The following EML6 variants were observed in gnomAD, a reference collection of about 807,000 sequenced individuals.
EML6 encodes the protein EMAP like 6.
A neutral mutation model predicts 240.1 loss-of-function variants in EML6; 154 were observed. The ratio of observed to expected loss-of-function variants is 0.64; its 90% confidence interval spans 0.56 to 0.73. The LOEUF (loss-of-function observed/expected upper bound fraction) is 0.73, where lower values mean the gene tolerates loss of function less well. Ranked by LOEUF, EML6 falls within the 30% of genes least tolerant of loss-of-function variation. The pLI, the probability that EML6 is intolerant of heterozygous loss-of-function variation, is 0.00. For synonymous variants in EML6, 1,148 were observed against 899.0 expected (o/e 1.28, Z -4.95); for missense variants, 2,964 against 2,474.6 (o/e 1.20, Z -4.20).
chr2:54,820,388 G>C lies in EML6; in HGVS notation c.457-6G>C. On this transcript the variant is annotated splice_polypyrimidine_tract_variant and splice_region_variant and intron_variant, in intron 4 of 41. Coordinates refer to ENST00000356458, the MANE Select transcript of EML6 (RefSeq NM_001039753.4). The stretch of plus-strand genomic sequence containing the variant: ...TCAACATGGCAACTTTTAATGTTTT[G>C]AACAGATTTTTGATATTTCCTGGGA... 6.5e-7 allele frequency: 1 copy of C among 1,545,464 alleles called. No homozygotes were observed. The highest frequency in any genetic ancestry group is 1.4e-5 in the African/African-American group (1 of 72,928).
rs773701097 is a variant in EML6, at chr2:54,968,697, G to A, written c.5781G>A (p.Ser1927=). 5.0e-5 allele frequency: 78 copies of A among 1,551,168 alleles called. No homozygotes were observed. Among genetic ancestry groups the A allele is most frequent in the Non-Finnish European group, 6.4e-5 (73 of 1,146,650 alleles). Reference sequence around the variant, plus strand: ...AACATAAGCGATACTTCGGTCACTCGGCTCACGTGACGAACATCCGTTTCT... The same window carrying A: ...AACATAAGCGATACTTCGGTCACTCAGCTCACGTGACGAACATCCGTTTCT... ...FAKHKRYFGH[S]AHVTNIRFSY... Residue 1927 remains serine (S), a synonymous_variant, in exon 41 of 42, where the codon TCG becomes TCA. Coordinates refer to ENST00000356458, the MANE Select transcript of EML6 (RefSeq NM_001039753.4).
chr2:54,825,346 A>C (rs1668535473), intron 5 of EML6, among the ~76,000 whole-genome samples: 1 of 152,146 alleles, frequency 6.6e-6, no homozygotes, highest in Non-Finnish European at 1.5e-5. Context: ...ATGTTTTCCA[A>C]AGCTTATACC....
Position 54,964,529 on chromosome 2 carries a change from C to G in EML6, c.5331-42C>G, listed in dbSNP as rs1046768962. 4 of 1,543,544 alleles carry G rather than the reference C, an allele frequency of 2.6e-6. No individual in the cohort carries two copies. In the Admixed American group the frequency reaches 7.9e-5, roughly 30 times the overall value. ...GCCTTCGTGCCTGACCAGCCCCAAA[C>G]AGCCCTCCTCATGGACTCTGCTCTC... On this transcript the variant is annotated intron_variant, in intron 37 of 41. Coordinates refer to ENST00000356458, the MANE Select transcript of EML6 (RefSeq NM_001039753.4).
chr2:54,899,810 C>G, intron 22 of EML6, 28 bp downstream of exon 22: 1 of 1,535,140 alleles, frequency 6.5e-7, no homozygotes, highest in Non-Finnish European at 8.8e-7. Flanking sequence ...ACACATCTGT[C>G]AGAGTATTTA....
At position 54,943,545 on chromosome 2, in the gene EML6, A is replaced by G. The variant is rs147693484; in HGVS notation, c.4005-5337A>G. 3.9e-3 allele frequency among the ~76,000 whole-genome samples: 594 copies of G among 152,192 alleles called. 4 individuals are homozygous for G. The highest frequency in any genetic ancestry group is 5.7e-3 in the Non-Finnish European group (386 of 68,014). On this transcript the variant is annotated intron_variant, in intron 28 of 41. Coordinates refer to ENST00000356458, the MANE Select transcript of EML6 (RefSeq NM_001039753.4). ...ATTCAGGCCTTGTAGTCTTTTCTTCATTCTCTATCCTATCTCATCTGTCCT... is the reference window on the plus strand; with the variant it reads ...ATTCAGGCCTTGTAGTCTTTTCTTCGTTCTCTATCCTATCTCATCTGTCCT...
At chr2:54,882,527 A>G (rs753052982) in intron 17 of EML6, 14 of 152,134 alleles carry the variant, frequency 9.2e-5, no homozygotes, top group Non-Finnish European at 1.6e-4. Context: ...CAACAAGAAC[A>G]CTTCCCAGGC....
At chr2:54,870,235 T>C (rs986905090) in intron 15 of EML6, among the ~76,000 whole-genome samples, 2 of 152,150 alleles carry the variant, frequency 1.3e-5, no homozygotes, top group African/African-American at 4.8e-5. Context: ...CTGGGGTTCA[T>C]GAAATCTATG....
chr2:54,812,408 A>C (rs1000559756), intron 2 of EML6, among the ~76,000 whole-genome samples: 2 of 152,136 alleles, frequency 1.3e-5, no homozygotes, highest in Non-Finnish European at 2.9e-5. Context: ...TTGATTGTAT[A>C]AGCAGAAGTT....
chr2:54,898,483 AAACCGGGGATGTAGGG>A (rs1235992478), intron 21 of EML6, among the ~76,000 whole-genome samples: 1 of 152,160 alleles, frequency 6.6e-6, no homozygotes, highest in Non-Finnish European at 1.5e-5. Flanking sequence ...GAAGGCTAGA[AAACCGGGGATGTAGGG>A]TGTCCTCAAA....
At chr2:54,863,947 A>G (rs897015551) in intron 13 of EML6, 58 bp downstream of exon 13, 1 of 910,702 alleles carries the variant, frequency 1.1e-6, no homozygotes, top group African/African-American at 1.7e-5. Flanking sequence ...TCATTCCTGG[A>G]TTTGGACATA....
intron 31 of EML6, among the ~76,000 whole-genome samples, chr2:54,953,533 G>T (rs963480463): frequency 6.6e-6 from 1 of 152,056 alleles, no homozygotes; most frequent in Non-Finnish European, 1.5e-5. Flanking sequence ...TTCTCCTCTG[G>T]CCAGGTCAGG....
intron 35 of EML6, among the ~76,000 whole-genome samples, chr2:54,961,620 G>A (rs890785080): frequency 3.3e-5 from 5 of 152,130 alleles, no homozygotes; most frequent in Non-Finnish European, 5.9e-5. Flanking sequence ...AGGAGTCTGT[G>A]CTGAAGCTCT....
intron 28 of EML6, among the ~76,000 whole-genome samples, chr2:54,938,626 C>T (rs1015461556): frequency 2.0e-5 from 3 of 152,210 alleles, no homozygotes; most frequent in Admixed American, 6.5e-5. Flanking sequence ...TTCTAACATA[C>T]TTTGACACGT....
chr2:54,844,093 A>AG lies in EML6; in HGVS notation c.897dup (p.Thr300AspfsTer5). 6.4e-7 allele frequency: 1 copy of AG among 1,551,382 alleles called. No homozygotes were observed. The highest frequency in any genetic ancestry group is 8.7e-7 in the Non-Finnish European group (1 of 1,146,916). ...GCTGGAAAGCAGACCGCCTTCTAGC[A>AG]GGGACCCAGGACAGTGAGATATTTG... On this transcript the variant is annotated frameshift_variant, in exon 8 of 42. Transcript: ENST00000356458. LOFTEE classifies it high-confidence loss of function.
intron 3 of EML6, 76 bp downstream of exon 3, chr2:54,813,467 A>G: frequency 8.1e-7 from 1 of 1,233,440 alleles, no homozygotes. Context: ...AATAGCCAGT[A>G]GATTCAAAGT....
At chr2:54,965,472 A>G (rs1259630099) in intron 38 of EML6, among the ~76,000 whole-genome samples, 2 of 152,186 alleles carry the variant, frequency 1.3e-5, no homozygotes, top group South Asian at 2.1e-4. Context: ...ATTGCAATAG[A>G]GAAAGAGTAA....
At chr2:54,873,927 G>C (rs985746888) in intron 16 of EML6, among the ~76,000 whole-genome samples, 4 of 150,464 alleles carry the variant, frequency 2.7e-5, no homozygotes, top group African/African-American at 9.8e-5. Context: ...CAAGATAAAA[G>C]AAAAAATTGA....
At chr2:54,760,249 A>G (rs2103753113) in intron 2 of EML6, among the ~76,000 whole-genome samples, 1 of 149,850 alleles carries the variant, frequency 6.7e-6, no homozygotes, top group Middle Eastern at 3.4e-3. Context: ...TGAAGCTTTC[A>G]TTTCCTGTCC....
At chr2:54,925,404 T>C (rs1439287827) in intron 26 of EML6, among the ~76,000 whole-genome samples, 1 of 152,236 alleles carries the variant, frequency 6.6e-6, no homozygotes, top group African/African-American at 2.4e-5. Flanking sequence ...CATTGCTATA[T>C]TCTCGCATTG....
Sources: allele counts gnomAD v4.1 joint callset (sites outside exome capture counted in the v4.1 genomes callset), GRCh38; gene constraint gnomAD v4.1.1; transcripts MANE v1.5; gene names NCBI Gene and HGNC (gene_info 2026-07-23, HGNC 2026-07-21).